IFFO2: variants seen among roughly 807,000 people sequenced by gnomAD.
IFFO2 encodes the protein intermediate filament family orphan 2.
IFFO2 carries 19 observed loss-of-function variants against 53.5 expected under a neutral mutation model. The ratio of observed to expected loss-of-function variants is 0.36; its 90% CI spans 0.25 to 0.52. IFFO2 has a LOEUF of 0.52. Among genes scored for constraint, IFFO2 ranks in the 20% least tolerant of loss-of-function variants. The probability of loss-of-function intolerance (pLI) is 0.94; values close to 1 mark genes in which losing one functional copy is unlikely to be tolerated. For synonymous variants in IFFO2, 303 were observed against 313.6 expected (o/e 0.97, Z 0.36); for missense variants, 570 against 727.4 (o/e 0.78, Z 2.49).
rs1218318551 is a variant in IFFO2 at position 18,928,242 on chromosome 1, C to A, written c.666-7121G>T. On this transcript the variant is annotated intron_variant, in intron 1 of 8. Coordinates refer to ENST00000455833, the MANE Select transcript of IFFO2 (RefSeq NM_001136265.2). The surrounding 1 kb of genome is among the most constrained non-coding windows in gnomAD (Gnocchi z 4.9). The stretch of plus-strand genomic sequence containing the variant: ...CACCACCTCTTGTGGCCTCCCGGCT[C>A]CCATCTCCATGGAGCCCCTGATCCC... Among the ~76,000 whole-genome samples the A allele has an allele frequency of 2.0e-5, 3 of 152,216 alleles. No individual in the cohort carries two copies. Among genetic ancestry groups the A allele is most frequent in the African/African-American group, 7.2e-5 (3 of 41,450 alleles).
chr1:18,921,259 T>G, intron 1 of IFFO2, 138 bp from the exon 2 acceptor site: 1 of 747,378 alleles, frequency 1.3e-6, no homozygotes, highest in Non-Finnish European at 2.3e-6. Context: ...CATCCCTGCC[T>G]GCCCTCTGGG....
intron 1 of IFFO2, among the ~76,000 whole-genome samples, chr1:18,923,508 G>A (rs1936243184): frequency 6.6e-6 from 1 of 152,224 alleles, no homozygotes; most frequent in South Asian, 2.1e-4. Context: ...TACGTTCTGG[G>A]CCCCACACAC....
intron 1 of IFFO2, among the ~76,000 whole-genome samples, chr1:18,931,987 G>A (rs1032592570): frequency 5.3e-5 from 8 of 152,196 alleles, no homozygotes; most frequent in Non-Finnish European, 8.8e-5. Flanking sequence ...GAGAACCCAG[G>A]GTGCAGGAAG....
At chr1:18,913,185 G>A (rs867057667) in intron 5 of IFFO2, among the ~76,000 whole-genome samples, 1 of 152,258 alleles carries the variant, frequency 6.6e-6, no homozygotes, top group African/African-American at 2.4e-5. Context: ...CAAGAAGGCC[G>A]TCTGGTAAAA....
At position 18,908,488 on chromosome 1, in the gene IFFO2, G is replaced by C. The variant is rs764070362; in HGVS notation, c.*73C>G. Reference sequence around the variant, plus strand: ...GTGGCTTCGAACCCCACTCCGAGGGGCCTTCCTGGCCCCATGAGGAGAGGT... The same window carrying C: ...GTGGCTTCGAACCCCACTCCGAGGGCCCTTCCTGGCCCCATGAGGAGAGGT... On this transcript the variant is annotated 3_prime_UTR_variant, in exon 9 of 9. Coordinates refer to ENST00000455833, the MANE Select transcript of IFFO2 (RefSeq NM_001136265.2). The C allele has an allele frequency of 8.9e-7, 1 of 1,127,768 alleles. No homozygotes were observed. Among genetic ancestry groups the C allele is most frequent in the Non-Finnish European group, 1.3e-6 (1 of 762,492 alleles). The allele number at this position is 1,127,768 out of a possible 1,614,324, so 69.9% of individuals were successfully genotyped here.
intron 1 of IFFO2, among the ~76,000 whole-genome samples, chr1:18,935,139 C>G (rs1314844837): frequency 6.6e-6 from 1 of 152,194 alleles, no homozygotes; most frequent in Non-Finnish European, 1.5e-5. Context: ...CCTGCAGCAA[C>G]AATGTTTTGT....
chr1:18,926,451 A>G (rs1936298299), intron 1 of IFFO2, among the ~76,000 whole-genome samples: 1 of 152,190 alleles, frequency 6.6e-6, no homozygotes, highest in South Asian at 2.1e-4. Flanking sequence ...GTCAGAACAA[A>G]GAGTGCAGGG....
intron 1 of IFFO2, among the ~76,000 whole-genome samples, chr1:18,925,840 A>T (rs1569847153): frequency 1.6e-5 from 1 of 62,420 alleles, no homozygotes; most frequent in Non-Finnish European, 3.3e-5. Context: ...GGATGGATGG[A>T]TGGATGGATG....
At chr1:18,953,708 G>A (rs978408684) in intron 1 of IFFO2, among the ~76,000 whole-genome samples, 2 of 152,098 alleles carry the variant, frequency 1.3e-5, no homozygotes, top group Non-Finnish European at 2.9e-5. Context: ...CCAGAAGGGC[G>A]GGAAGAGAGA....
chr1:18,940,518 G>A (rs574207697), intron 1 of IFFO2, among the ~76,000 whole-genome samples: 19 of 152,238 alleles, frequency 1.2e-4, no homozygotes, highest in Non-Finnish European at 2.1e-4. Context: ...ACTGAGCACC[G>A]TGGCCCAGAA....
chr1:18,924,918 C>T lies in IFFO2; in HGVS notation c.666-3797G>A, dbSNP rs530802724. Among the ~76,000 whole-genome samples, 33 of 152,340 alleles carry T rather than the reference C, an allele frequency of 2.2e-4. No individual in the cohort carries two copies. In the South Asian group the frequency reaches 4.6e-3, roughly 21 times the overall value. The stretch of plus-strand genomic sequence containing the variant: ...GATCCCCTCCATCATACTGCACATG[C>T]ACTGGGCTGGAAAGCTACCCTGTCC... On this transcript the variant is annotated intron_variant, in intron 1 of 8. Coordinates refer to ENST00000455833, the MANE Select transcript of IFFO2 (RefSeq NM_001136265.2).
Position 18,936,313 on chromosome 1 carries a change from A to G in IFFO2, c.666-15192T>C, listed in dbSNP as rs1199762781. ...CCTGGGCCTACCTTGCATGGAGCAG[A>G]TGATGGGAAAGTTGGTGTCCACGGC... On this transcript the variant is annotated intron_variant, in intron 1 of 8. Coordinates refer to ENST00000455833, the MANE Select transcript of IFFO2 (RefSeq NM_001136265.2). The surrounding 1 kb of genome is among the most constrained non-coding windows in gnomAD (Gnocchi z 4.5). 6.6e-6 allele frequency among the ~76,000 whole-genome samples: 1 copy of G among 152,158 alleles called. No homozygotes were observed. Among genetic ancestry groups the G allele is most frequent in the Non-Finnish European group, 1.5e-5 (1 of 68,024 alleles).
At chr1:18,952,275 C>T (rs978175906) in intron 1 of IFFO2, among the ~76,000 whole-genome samples, 1 of 152,196 alleles carries the variant, frequency 6.6e-6, no homozygotes, top group Non-Finnish European at 1.5e-5. Context: ...ACATTTCCCA[C>T]GTGGTAAAGA....
intron 6 of IFFO2, 31 bp from the exon 7 acceptor site, chr1:18,911,507 T>TTTA (rs1936037725): frequency 5.7e-6 from 3 of 527,892 alleles, no homozygotes; most frequent in Admixed American, 4.7e-5. Context: ...GGACAGTTTA[T>TTTA]TTTATTTATT....
At position 18,916,807 on chromosome 1, in the gene IFFO2, G is replaced by T; in HGVS notation, c.1103+96C>A. The T allele has an allele frequency of 7.3e-7, 1 of 1,366,434 alleles. No homozygotes were observed. Among genetic ancestry groups the T allele is most frequent in the Non-Finnish European group, 9.9e-7 (1 of 1,006,396 alleles). The allele number at this position is 1,366,434 out of a possible 1,614,324, so 84.6% of individuals were successfully genotyped here. A position where few individuals can be genotyped will look rare whatever the true frequency, so the allele number is the denominator to read the frequency against. ...AAGGAAATGAATTCAAATTCTTCCA[G>T]TGCTGCAGGCTACTCTCAGCCCAAG... On this transcript the variant is annotated intron_variant, in intron 5 of 8. Coordinates refer to ENST00000455833, the MANE Select transcript of IFFO2 (RefSeq NM_001136265.2). This position sits in a 1 kb window ranked among gnomAD's most constrained non-coding sequence, Gnocchi z 4.3.
intron 1 of IFFO2, among the ~76,000 whole-genome samples, chr1:18,941,567 CA>C (rs887905752): frequency 1.6e-4 from 25 of 152,360 alleles, no homozygotes; most frequent in African/African-American, 5.8e-4. Context: ...CCATCGCCTA[CA>C]GGGGCCCAGA....
chr1:18,911,798 CA>C (rs1936044631), intron 6 of IFFO2, among the ~76,000 whole-genome samples, 164 bp downstream of exon 6: 1 of 152,180 alleles, frequency 6.6e-6, no homozygotes, highest in Non-Finnish European at 1.5e-5. Flanking sequence ...CTCGGCCTCC[CA>C]AAGTGCTGGG....
At chr1:18,942,983 C>T (rs1936539433) in intron 1 of IFFO2, among the ~76,000 whole-genome samples, 1 of 152,042 alleles carries the variant, frequency 6.6e-6, no homozygotes, top group South Asian at 2.1e-4. Flanking sequence ...GGATTACAGG[C>T]TCGTGCCACC....
intron 1 of IFFO2, among the ~76,000 whole-genome samples, chr1:18,949,277 G>T (rs993888006): frequency 1.3e-5 from 2 of 152,246 alleles, no homozygotes; most frequent in East Asian, 3.8e-4. Context: ...CTGCCAGTGG[G>T]AGACGAAGCC....
Sources: allele counts gnomAD v4.1 joint callset (sites outside exome capture counted in the v4.1 genomes callset), GRCh38; gene constraint gnomAD v4.1.1; non-coding constraint Gnocchi (gnomAD v3.1); transcripts MANE v1.5; gene names NCBI Gene and HGNC (gene_info 2026-07-23, HGNC 2026-07-21).